HECTD4: variants seen among roughly 807,000 people sequenced by gnomAD.
HECTD4 encodes probable E3 ubiquitin-protein ligase HECTD4.
A neutral mutation model predicts 471.5 loss-of-function variants in HECTD4; 114 were observed. That is an observed-to-expected ratio of 0.24 (90% confidence interval 0.21 to 0.28). The LOEUF (loss-of-function observed/expected upper bound fraction) is 0.28. Among genes scored for constraint, HECTD4 ranks in the 10% least tolerant of loss-of-function variants. The pLI, the probability that HECTD4 is intolerant of heterozygous loss-of-function variation, is 1.00. For missense variants in HECTD4, 3,866 were observed against 5,651.5 expected, an observed-to-expected ratio of 0.68 and a Z score of 10.13; for synonymous variants, 2,012 against 2,256.0, an observed-to-expected ratio of 0.89 and a Z score of 3.07.
chr12:112,351,710 T>C, intron 1 of HECTD4, among the ~76,000 whole-genome samples: 1 of 152,234 alleles, frequency 6.6e-6, no homozygotes, highest in Non-Finnish European at 1.5e-5. Context: ...TCATGGAAGA[T>C]CATAAATGAC....
In HECTD4 at chr12:112,250,951, A is replaced by T. The variant is rs1426802235; in HGVS notation, c.3716+20T>A. On this transcript the variant is annotated intron_variant, in intron 24 of 75. Transcript: ENST00000682272. ...TTTCCTTTGCAGGCAACACTAGCTC[A>T]ATTTCAACCTTTTTGTTACCTTTGT... is the stretch of plus-strand genomic sequence containing the variant. The T allele has an allele frequency of 6.3e-7, 1 of 1,594,724 alleles. No individual in the cohort carries two copies. Among genetic ancestry groups the T allele is most frequent in the Admixed American group, 1.8e-5 (1 of 55,892 alleles).
chr12:112,239,140 T>C lies in HECTD4; in HGVS notation c.5202A>G (p.Lys1734=). 2 of 1,614,004 alleles carry C rather than the reference T, an allele frequency of 1.2e-6. No homozygotes were observed. The highest frequency in any genetic ancestry group is 1.7e-6 in the Non-Finnish European group (2 of 1,179,870). The change falls in exon 34 of 76, where the codon AAA becomes AAG. Residue 1734 remains lysine (K), a synonymous_variant. Transcript: ENST00000682272. This position sits in a 1 kb window ranked among gnomAD's most constrained non-coding sequence, Gnocchi z 4.9. ...SNQTESSSSE[K]QTKKQKVATM... ...TGGCCACCTTCTGCTTCTTGGTCTG[T>C]TTCTCACTGGAGCTGGACTCGGTCT...
intron 12 of HECTD4, 43 bp from the exon 13 acceptor site, chr12:112,269,892 T>C: frequency 6.5e-7 from 1 of 1,548,098 alleles, no homozygotes; most frequent in South Asian, 1.1e-5. Flanking sequence ...CTAATTCTAC[T>C]GGGGATAAAA....
At position 112,175,792 on chromosome 12, in the gene HECTD4, A is replaced by G. The variant is rs546711008; in HGVS notation, c.11538T>C (p.Asp3846=). The G allele has an allele frequency of 1.9e-6, 3 of 1,613,602 alleles. No homozygotes were observed. The highest frequency in any genetic ancestry group is 3.3e-5 in the Admixed American group (2 of 59,964). Residue 3846 remains aspartate (D), a synonymous_variant, in exon 66 of 76, where the codon GAT becomes GAC. Transcript: ENST00000682272. ...AGATCGCCCTCCAGACGCTACGGAT[A>G]TCTTGCCTGGCTCGGTCAATAACAA... is the stretch of plus-strand genomic sequence containing the variant. ...HKFVIDRARQ[D]IRSVWRAILS...
chr12:112,262,685 G>C (rs140557764), intron 17 of HECTD4, among the ~76,000 whole-genome samples: 101 of 151,794 alleles, frequency 6.7e-4, no homozygotes, highest in African/African-American at 2.4e-3. Context: ...GCATGATCAG[G>C]GCTCCCTGCA....
chr12:112,308,925 C>G, intron 5 of HECTD4, 34 bp from the exon 6 acceptor site: 1 of 1,524,396 alleles, frequency 6.6e-7, no homozygotes, highest in Non-Finnish European at 8.8e-7. Context: ...GCTGAATCAC[C>G]TGGCTATGTC....
At chr12:112,354,157 C>T (rs1257381047) in intron 1 of HECTD4, among the ~76,000 whole-genome samples, 4 of 152,114 alleles carry the variant, frequency 2.6e-5, no homozygotes, top group Admixed American at 2.6e-4. Flanking sequence ...ACCGCAGCCA[C>T]GACCTACCAG....
intron 8 of HECTD4, among the ~76,000 whole-genome samples, chr12:112,280,371 C>A (rs1383898925): frequency 8.5e-5 from 13 of 152,090 alleles, no homozygotes; most frequent in African/African-American, 2.7e-4. Context: ...TTTCTATATA[C>A]AAGCCTAGCG....
chr12:112,191,909 G>A (rs117091826), intron 59 of HECTD4, among the ~76,000 whole-genome samples: 1,765 of 152,258 alleles, frequency 0.012, 15 homozygotes, highest in Admixed American at 0.013. Flanking sequence ...TGGCAAACAC[G>A]CGTCAGTCTT....
At position 112,228,510 on chromosome 12, in the gene HECTD4, C is replaced by T; in HGVS notation, c.6684+137G>A. The T allele has an allele frequency of 1.1e-6, 1 of 900,738 alleles. No individual in the cohort carries two copies. Among genetic ancestry groups the T allele is most frequent in the Non-Finnish European group, 1.6e-6 (1 of 618,320 alleles). 55.8% of individuals were successfully genotyped at this position (900,738 alleles called of 1,614,324 possible). A position where few individuals can be genotyped will look rare whatever the true frequency, so the allele number is the denominator to read the frequency against. Reference sequence around the variant, plus strand: ...AGCATTACTATTAAATAACTATAACCAATACATAAATATACATCACAAGTA... The same window carrying T: ...AGCATTACTATTAAATAACTATAACTAATACATAAATATACATCACAAGTA... On this transcript the variant is annotated intron_variant, in intron 42 of 75. Coordinates refer to ENST00000682272, the MANE Select transcript of HECTD4 (RefSeq NM_001388303.1). The surrounding 1 kb of genome is among the most constrained non-coding windows in gnomAD (Gnocchi z 4.9).
chr12:112,279,206 G>A (rs751845058), intron 9 of HECTD4, 22 bp downstream of exon 9: 3 of 1,591,176 alleles, frequency 1.9e-6, no homozygotes, highest in South Asian at 2.3e-5. Flanking sequence ...CGAGGAAAGT[G>A]CCACAAGTAA....
chr12:112,356,845 C>T (rs2036348733), intron 1 of HECTD4, among the ~76,000 whole-genome samples: 1 of 152,160 alleles, frequency 6.6e-6, no homozygotes, highest in African/African-American at 2.4e-5. Flanking sequence ...AACTTTTAGG[C>T]TTCCTGATTA....
intron 2 of HECTD4, among the ~76,000 whole-genome samples, chr12:112,316,929 A>C (rs751679268): frequency 2.0e-5 from 3 of 152,196 alleles, no homozygotes; most frequent in Non-Finnish European, 4.4e-5. Context: ...GAAATTTAGA[A>C]TGTCCAGCAC....
At position 112,268,751 on chromosome 12, in the gene HECTD4, C is replaced by T. The variant is rs186046798; in HGVS notation, c.2321+953G>A. Among the ~76,000 whole-genome samples, 9 of 146,574 alleles carry T rather than the reference C, an allele frequency of 6.1e-5. No individual in the cohort carries two copies. The East Asian group carries it at 8.2e-4, about 13-fold the overall frequency. ...AGCCTGGGCAACAAGAGTGAAACTC[C>T]GTCTCAAACAAGCAAAAAGAAAAAA... On this transcript the variant is annotated intron_variant, in intron 13 of 75. Coordinates refer to ENST00000682272, the MANE Select transcript of HECTD4 (RefSeq NM_001388303.1).
intron 9 of HECTD4, among the ~76,000 whole-genome samples, chr12:112,277,520 GACC>G (rs1250673975): frequency 6.6e-6 from 1 of 152,118 alleles, no homozygotes; most frequent in Non-Finnish European, 1.5e-5. Context: ...GAGCCTCAGT[GACC>G]ACGTAGTGAT....
At chr12:112,377,037 G>A (rs914313120) in intron 1 of HECTD4, among the ~76,000 whole-genome samples, 24 of 152,098 alleles carry the variant, frequency 1.6e-4, no homozygotes, top group African/African-American at 5.1e-4. Flanking sequence ...GCCTCAACCC[G>A]GGAGGTGGAG....
At chr12:112,214,606 G>A (rs755967323) in intron 48 of HECTD4, among the ~76,000 whole-genome samples, 70 of 152,142 alleles carry the variant, frequency 4.6e-4, no homozygotes, top group Non-Finnish European at 8.8e-5. Context: ...CTGTGTGCCC[G>A]TAGTCCAGTC....
intron 53 of HECTD4, 22 bp from the exon 54 acceptor site, chr12:112,203,794 GT>G: frequency 6.6e-7 from 1 of 1,508,080 alleles, no homozygotes; most frequent in South Asian, 1.3e-5. Flanking sequence ...AGAGGGAGAA[GT>G]TTTTCAGGAA....
Position 112,185,402 on chromosome 12 carries a change from C to T in HECTD4, c.9564G>A (p.Leu3188=). The T allele has an allele frequency of 1.2e-6, 2 of 1,612,734 alleles. No individual in the cohort carries two copies. Among genetic ancestry groups the T allele is most frequent in the Non-Finnish European group, 1.7e-6 (2 of 1,179,548 alleles). ...GGCCAGCGGGGTGCCGCCTCTGCTC[C>T]AGGGTGTGCACCGTGCGCAGGAGCT... is the stretch of plus-strand genomic sequence containing the variant. The part of the protein sequence containing the change: ...LAELLRTVHT[L]EQRRHPAGLS... The change falls in exon 61 of 76, where the codon CTG becomes CTA. Residue 3188 remains leucine, a synonymous_variant. Coordinates refer to ENST00000682272, the MANE Select transcript of HECTD4 (RefSeq NM_001388303.1).
Sources: gnomAD v4.1 joint callset for allele counts (sites outside exome capture counted in the v4.1 genomes callset) on GRCh38, gnomAD v4.1.1 for gene constraint, Gnocchi (gnomAD v3.1) non-coding constraint, MANE v1.5 for transcripts, NCBI Gene and HGNC (gene_info 2026-07-23, HGNC 2026-07-21) for gene names.